Variants in RALYL observed in about 807,000 individuals in gnomAD.
The protein encoded by RALYL is RNA-binding Raly-like protein.
A neutral mutation model predicts 35.1 loss-of-function variants in RALYL; 29 were observed. The observed-to-expected ratio is 0.83, with a 90% CI of 0.61 to 1.13. The LOEUF (loss-of-function observed/expected upper bound fraction) is 1.13, where lower values mean the gene tolerates loss of function less well. Ranked by LOEUF, RALYL falls within the 50% of genes most tolerant of loss-of-function variation. The pLI is 0.00. For synonymous variants in RALYL, 120 were observed against 127.6 expected (o/e 0.94, Z 0.40); for missense variants, 359 against 360.4 (o/e 1.00, Z 0.03).
chr8:84,300,481 C>T (rs1840563042), intron 1 of RALYL, among the ~76,000 whole-genome samples: 1 of 151,758 alleles, frequency 6.6e-6, no homozygotes, highest in South Asian at 2.1e-4. Context: ...AAGTATAGGT[C>T]CTGAATATCT....
At chr8:84,295,040 A>T (rs770239047) in intron 1 of RALYL, among the ~76,000 whole-genome samples, 2 of 152,100 alleles carry the variant, frequency 1.3e-5, no homozygotes, top group Non-Finnish European at 2.9e-5. Context: ...CACTCCCCAG[A>T]TATTACCTAC....
intron 2 of RALYL, among the ~76,000 whole-genome samples, chr8:84,614,775 C>CT (rs75967490): frequency 0.27 from 34,893 of 128,586 alleles, 4,616 homozygotes; most frequent in African/African-American, 0.35. Flanking sequence ...CCCTTCTTTC[C>CT]TTTTTTTTTT....
At chr8:84,321,265 A>G (rs1563729912) in intron 1 of RALYL, among the ~76,000 whole-genome samples, 2 of 152,120 alleles carry the variant, frequency 1.3e-5, no homozygotes, top group African/African-American at 4.8e-5. Flanking sequence ...TCCTGACTTT[A>G]CCATAACAAA....
chr8:84,194,229 G>A (rs1377417725), intron 1 of RALYL, among the ~76,000 whole-genome samples: 4 of 152,150 alleles, frequency 2.6e-5, no homozygotes, highest in African/African-American at 7.2e-5. Flanking sequence ...TTTTGAAAAC[G>A]TGATTTAAAA....
At chr8:84,605,017 A>C (rs1816797659) in intron 2 of RALYL, among the ~76,000 whole-genome samples, 1 of 152,136 alleles carries the variant, frequency 6.6e-6, no homozygotes, top group Admixed American at 6.6e-5. Flanking sequence ...CTACCTTCCT[A>C]AAATCTAGTT....
chr8:84,190,915 A>C (rs1813693814), intron 1 of RALYL, among the ~76,000 whole-genome samples: 2 of 152,064 alleles, frequency 1.3e-5, no homozygotes, highest in African/African-American at 2.4e-5. Context: ...AAAGGGCAGA[A>C]AAATAGAGTT....
At chr8:84,448,251 G>A (rs1375004870) in intron 1 of RALYL, among the ~76,000 whole-genome samples, 2 of 151,894 alleles carry the variant, frequency 1.3e-5, no homozygotes, top group Non-Finnish European at 2.9e-5. Context: ...TGTATGGCTT[G>A]TGTTTGTGTG....
chr8:84,223,862 A>G (rs1243730040), intron 1 of RALYL, among the ~76,000 whole-genome samples: 1 of 152,198 alleles, frequency 6.6e-6, no homozygotes, highest in Non-Finnish European at 1.5e-5. Flanking sequence ...GTGAGACCAG[A>G]GTGTTATGAA....
At chr8:84,618,153 G>C (rs1030490864) in intron 2 of RALYL, among the ~76,000 whole-genome samples, 3 of 151,816 alleles carry the variant, frequency 2.0e-5, no homozygotes, top group Admixed American at 6.6e-5. Flanking sequence ...GATTGGAATA[G>C]TTTCAGAAGG....
At chr8:84,868,367 AT>A (rs1350228504) in intron 6 of RALYL, among the ~76,000 whole-genome samples, 7 of 152,164 alleles carry the variant, frequency 4.6e-5, no homozygotes, top group Non-Finnish European at 8.8e-5. Context: ...TAATTTCCTT[AT>A]TTTTTGTGGA....
intron 1 of RALYL, among the ~76,000 whole-genome samples, chr8:84,402,178 C>T (rs2042985517): frequency 6.6e-6 from 1 of 152,042 alleles, no homozygotes; most frequent in Non-Finnish European, 1.5e-5. Flanking sequence ...AATTATTGTT[C>T]CTACAGAGAA....
chr8:84,279,217 A>G (rs1246478911), intron 1 of RALYL, among the ~76,000 whole-genome samples: 1 of 152,206 alleles, frequency 6.6e-6, no homozygotes, highest in Non-Finnish European at 1.5e-5. Flanking sequence ...AACTGTCCCC[A>G]TGACTCAATT....
chr8:84,386,309 T>C (rs1199818619), intron 1 of RALYL, among the ~76,000 whole-genome samples: 1 of 151,884 alleles, frequency 6.6e-6, no homozygotes, highest in East Asian at 1.9e-4. Flanking sequence ...AATAGATATT[T>C]TAAAATTCAG....
chr8:84,816,032 C>CAAAAAAAAAAAAAAAAAA (rs5892931), intron 4 of RALYL, among the ~76,000 whole-genome samples: 17 of 84,180 alleles, frequency 2.0e-4, no homozygotes, highest in Non-Finnish European at 3.0e-4. Context: ...GACTCTGTCT[C>CAAAAAAAAAAAAAAAAAA]AAAAAAAAAA....
At chr8:84,494,492 G>A (rs749243731) in intron 1 of RALYL, among the ~76,000 whole-genome samples, 1 of 152,022 alleles carries the variant, frequency 6.6e-6, no homozygotes, top group African/African-American at 2.4e-5. Context: ...ATTACTTTGG[G>A]CAGTATGGCC....
At chr8:84,525,185 G>A (rs1479709712) in intron 1 of RALYL, among the ~76,000 whole-genome samples, 1 of 151,820 alleles carries the variant, frequency 6.6e-6, no homozygotes. Flanking sequence ...TGGAACAACA[G>A]CAACAGTAGT....
chr8:84,316,639 G>T (rs1843807170), intron 1 of RALYL, among the ~76,000 whole-genome samples: 1 of 151,986 alleles, frequency 6.6e-6, no homozygotes, highest in Non-Finnish European at 1.5e-5. Context: ...TTTTATTAAA[G>T]CATGTTCAAA....
intron 3 of RALYL, among the ~76,000 whole-genome samples, chr8:84,785,314 AC>A (rs773985535): frequency 6.6e-6 from 1 of 152,204 alleles, no homozygotes; most frequent in Non-Finnish European, 1.5e-5. Flanking sequence ...GAAACCTGCA[AC>A]TAAGTTGTGT....
intron 2 of RALYL, among the ~76,000 whole-genome samples, chr8:84,638,309 G>T (rs1463218741): frequency 6.6e-6 from 1 of 151,948 alleles, no homozygotes; most frequent in Non-Finnish European, 1.5e-5. Flanking sequence ...CACAGCAAGT[G>T]TGGTGCTAAG....
Sources: allele counts gnomAD v4.1 joint callset (sites outside exome capture counted in the v4.1 genomes callset), GRCh38; gene constraint gnomAD v4.1.1; transcripts MANE v1.5; gene names NCBI Gene and HGNC (gene_info 2026-07-23, HGNC 2026-07-21).